Variants in TMEM67 observed in about 807,000 individuals in gnomAD.
The protein encoded by TMEM67 is meckelin.
Under a neutral mutation model 136.6 loss-of-function variants are expected in TMEM67, and 124 were observed. That is an observed-to-expected ratio of 0.91 (90% CI 0.78 to 1.05). The LOEUF is 1.05. TMEM67 is among the 50% of genes least tolerant of loss of function. The pLI, the probability that TMEM67 is intolerant of heterozygous loss-of-function variation, is 0.00. For synonymous variants in TMEM67, 364 were observed against 390.5 expected (o/e 0.93, Z 0.80); for missense variants, 1,107 against 1,178.4 (o/e 0.94, Z 0.89).
chr8:93,779,877 C>T (rs1458504287), intron 7 of TMEM67, among the ~76,000 whole-genome samples: 1 of 152,200 alleles, frequency 6.6e-6, no homozygotes, highest in Non-Finnish European at 1.5e-5. Flanking sequence ...AGCTCAAACG[C>T]TGTGCTGGGA....
chr8:93,808,513 T>TTATAGATCTATTATAG (rs1808548983), intron 23 of TMEM67, among the ~76,000 whole-genome samples: 25 of 15,002 alleles, frequency 1.7e-3, no homozygotes, highest in East Asian at 2.8e-3. Flanking sequence ...GATGAATATA[T>TTATAGATCTATTATAG]ATATTTATAA....
intron 6 of TMEM67, among the ~76,000 whole-genome samples, chr8:93,768,125 C>G (rs1813161797): frequency 6.6e-6 from 1 of 151,974 alleles, no homozygotes; most frequent in South Asian, 2.1e-4. Flanking sequence ...CTAAGCCTCC[C>G]AAAGTGCTGG....
intron 15 of TMEM67, chr8:93,792,023 A>G (rs1253342130): frequency 6.4e-6 from 1 of 155,662 alleles, no homozygotes; most frequent in Non-Finnish European, 1.4e-5. Flanking sequence ...CACCACACCC[A>G]GCTAATTTTT....
the TMEM67 span, among the ~76,000 whole-genome samples, chr8:93,828,306 CCACCACCAT>C: frequency 1.1e-4 from 17 of 152,134 alleles, no homozygotes; most frequent in Non-Finnish European, 2.4e-4. Context: ...AGAGAAGACA[CCACCACCAT>C]CACCACCATC....
At chr8:93,786,396 G>GT (rs1489011209) in intron 13 of TMEM67, 50 bp downstream of exon 13, 1 of 1,590,846 alleles carries the variant, frequency 6.3e-7, no homozygotes, top group Non-Finnish European at 8.6e-7. Context: ...CATAATGGAA[G>GT]TGTTTGCCAG....
chr8:93,814,256 C>T (rs2130796344), intron 26 of TMEM67, among the ~76,000 whole-genome samples: 1 of 150,236 alleles, frequency 6.7e-6, no homozygotes, highest in Middle Eastern at 3.5e-3. Flanking sequence ...TCTCCTGCCT[C>T]AGCCTCCTGA....
intron 14 of TMEM67, among the ~76,000 whole-genome samples, chr8:93,788,766 A>G (rs983409708): frequency 6.6e-6 from 1 of 152,210 alleles, no homozygotes; most frequent in Non-Finnish European, 1.5e-5. Flanking sequence ...CTGCAGCCAA[A>G]TAGGTTTCCC....
At chr8:93,764,479 C>T (rs1473382265) in intron 4 of TMEM67, among the ~76,000 whole-genome samples, 1 of 139,094 alleles carries the variant, frequency 7.2e-6, no homozygotes, top group South Asian at 2.4e-4. Flanking sequence ...TTCCTGTTCC[C>T]CCTTTGTGCA....
downstream of TMEM67, among the ~76,000 whole-genome samples, chr8:93,820,767 T>A (rs187362560): frequency 1.1e-3 from 165 of 152,234 alleles, 4 homozygotes; most frequent in Admixed American, 0.01. Flanking sequence ...TAGTAGTAGT[T>A]CCCATTAATA....
chr8:93,785,299 T>G lies in TMEM67; in HGVS notation c.1209T>G (p.Asp403Glu), dbSNP rs1160691103. The G allele has an allele frequency of 1.9e-6, 3 of 1,605,582 alleles. No individual in the cohort carries two copies. In the Admixed American group the frequency reaches 5.0e-5, roughly 27 times the overall value. Residue 403 changes from aspartate (D) to glutamate (E), a missense_variant, in exon 12 of 28, where the codon GAT becomes GAG. Around this residue, in one of 3 missense-constraint regions of TMEM67, gnomAD observed 925 missense variants for 1,002.4 expected, o/e 0.92. Transcript: ENST00000453321. ...IFYDVYLEYT[D>E]ENQHQYILAV... Reference sequence around the variant, plus strand: ...ATGATGTGTACCTTGAATATACTGATGAAAATCAACATCAATATATTTTGG... The same window carrying G: ...ATGATGTGTACCTTGAATATACTGAGGAAAATCAACATCAATATATTTTGG...
intron 3 of TMEM67, chr8:93,763,128 C>T (rs1812925642): frequency 3.9e-6 from 1 of 256,488 alleles, no homozygotes; most frequent in Non-Finnish European, 7.9e-6. Context: ...CAAGGTTTTG[C>T]CATATTGGCC....
In TMEM67 at chr8:93,763,850, G is replaced by T. The variant is rs1812958024; in HGVS notation, c.415G>T (p.Asp139Tyr). The T allele has an allele frequency of 6.2e-7, 1 of 1,611,602 alleles. No individual in the cohort carries two copies. The highest frequency in any genetic ancestry group is 8.5e-7 in the Non-Finnish European group (1 of 1,177,956). ...CPIGHILVER[D>Y]INGTLLSQAT... Reference sequence around the variant, plus strand: ...GTTTCTAAACTGTTCAGTGGAAAGAGACATTAATGGAACATTGTTGTCTCA... The same window carrying T: ...GTTTCTAAACTGTTCAGTGGAAAGATACATTAATGGAACATTGTTGTCTCA... The change falls in exon 4 of 28, where the codon GAC (aspartate) becomes TAC (tyrosine). Residue 139 changes from aspartate (D) to tyrosine (Y), a missense_variant. Asp to Tyr is a radical substitution (Grantham distance 160, BLOSUM62 -3). Around this residue, in one of 3 missense-constraint regions of TMEM67, gnomAD observed 4 missense variants for 16.8 expected, o/e 0.24. Coordinates refer to ENST00000453321, the MANE Select transcript of TMEM67 (RefSeq NM_153704.6).
intron 11 of TMEM67, among the ~76,000 whole-genome samples, chr8:93,783,930 C>T (rs1563461258): frequency 1.3e-5 from 2 of 152,168 alleles, no homozygotes; most frequent in Non-Finnish European, 1.5e-5. Context: ...ATGGGAACTA[C>T]AGTTCAAGAT....
At chr8:93,821,744 C>CA (rs1368956023), downstream of TMEM67, among the ~76,000 whole-genome samples, 1 of 152,046 alleles carries the variant, frequency 6.6e-6, no homozygotes, top group African/African-American at 2.4e-5. Context: ...ACCAAAAATA[C>CA]AAAAAATTAG....
chr8:93,797,317 A>G lies in TMEM67; in HGVS notation c.1961-14A>G. 1 of 1,614,120 alleles carries G rather than the reference A, an allele frequency of 6.2e-7. No homozygotes were observed. Among genetic ancestry groups the G allele is most frequent in the Non-Finnish European group, 8.5e-7 (1 of 1,179,984 alleles). The stretch of plus-strand genomic sequence containing the variant: ...GAGGTAAAACTCTTTTACTCATTTT[A>G]TTTTCCTGACCAGGTGAGGGTGGTG... On this transcript the variant is annotated splice_polypyrimidine_tract_variant and intron_variant, in intron 19 of 27. Transcript: ENST00000453321.
chr8:93,810,181 G>A lies in TMEM67; in HGVS notation c.2764+294G>A, dbSNP rs192741260. ...GAGACGGGTTTCACTGTGTTAGCCA[G>A]GATGGTCTTGATCTCTTGACCTCGT... On this transcript the variant is annotated intron_variant, in intron 26 of 27. Coordinates refer to ENST00000453321, the MANE Select transcript of TMEM67 (RefSeq NM_153704.6). 0.018 allele frequency among the ~76,000 whole-genome samples: 2,759 copies of A among 150,434 alleles called. 83 individuals are homozygous for A. The highest frequency in any genetic ancestry group is 0.061 in the African/African-American group (2,523 of 41,318).
At chr8:93,764,730 T>C (rs928994129) in intron 4 of TMEM67, among the ~76,000 whole-genome samples, 1 of 152,194 alleles carries the variant, frequency 6.6e-6, no homozygotes, top group African/African-American at 2.4e-5. Flanking sequence ...ACCTGAGTTA[T>C]GGCATCCAAA....
Position 93,797,453 on chromosome 8 carries a change from G to T in TMEM67, c.2083G>T (p.Val695Phe). The T allele has an allele frequency of 1.2e-6, 2 of 1,613,850 alleles. No individual in the cohort carries two copies. The highest frequency in any genetic ancestry group is 1.7e-6 in the Non-Finnish European group (2 of 1,179,842). The change falls in exon 20 of 28, where the codon GTC becomes TTC. Residue 695 changes from valine to phenylalanine, a missense_variant. Val to Phe is a conservative substitution (Grantham distance 50, BLOSUM62 -1). Coordinates refer to ENST00000453321, the MANE Select transcript of TMEM67 (RefSeq NM_153704.6). ...KINSLFQVLT[V>F]LFFLEVVGFK... is the part of the protein sequence containing the mutation. ...TAATTCACTCTTTCAAGTACTTACT[G>T]TCCTCTTCTTTTTGGAGGTATAAAC...
chr8:93,794,432 C>T (rs530728189), intron 16 of TMEM67, among the ~76,000 whole-genome samples: 81 of 152,020 alleles, frequency 5.3e-4, no homozygotes, highest in Non-Finnish European at 1.0e-3. Context: ...TTTCTGAATC[C>T]GCACAGTAGC....
Sources: allele counts gnomAD v4.1 joint callset (sites outside exome capture counted in the v4.1 genomes callset), GRCh38; gene constraint gnomAD v4.1.1; regional missense constraint gnomAD v4.1.1; transcripts MANE v1.5; gene names NCBI Gene and HGNC (gene_info 2026-07-23, HGNC 2026-07-21).